The following PLXNB1 variants were observed in gnomAD, a reference collection of about 807,000 sequenced individuals.
The protein encoded by PLXNB1 is plexin B1, also known as plexin-B1.
In PLXNB1, 106 loss-of-function variants were observed where a neutral mutation model predicts 209.4. The observed-to-expected ratio is 0.51, with a 90% CI of 0.43 to 0.59. The LOEUF (loss-of-function observed/expected upper bound fraction) is 0.59, where lower values mean the gene tolerates loss of function less well. Ranked by LOEUF, PLXNB1 falls within the 20% of genes least tolerant of loss-of-function variation. The probability of loss-of-function intolerance (pLI) is 0.00; values close to 1 mark genes in which losing one functional copy is unlikely to be tolerated. For synonymous variants in PLXNB1, 1,167 were observed against 1,183.2 expected (o/e 0.99, Z 0.28); for missense variants, 2,357 against 2,853.2 (o/e 0.83, Z 3.96).
chr3:48,413,135 T>C lies in PLXNB1; in HGVS notation c.4570A>G (p.Lys1524Glu), dbSNP rs765388159. ...KSKQALRDYK[K>E]VQIQLENLES... The stretch of plus-strand genomic sequence containing the variant: ...AGATTCTCCAGCTGGATCTGAACCT[T>C]CTTATAGTCCCTCAGGGCCTGCTTG... Residue 1524 changes from lysine to glutamate, a missense_variant, in exon 24 of 38, where the codon AAG (lysine) becomes GAG (glutamate). Transcript: ENST00000296440. This position sits in a 1 kb window ranked among gnomAD's most constrained non-coding sequence, Gnocchi z 5.4. 8 of 1,613,510 alleles carry C rather than the reference T, an allele frequency of 5.0e-6. No individual in the cohort carries two copies. In the South Asian group the frequency reaches 8.8e-5, roughly 18 times the overall value.
chr3:48,418,123 C>A lies in PLXNB1; in HGVS notation c.3223-61G>T. The A allele has an allele frequency of 1.2e-6, 2 of 1,607,566 alleles. No individual in the cohort carries two copies. The highest frequency in any genetic ancestry group is 2.2e-5 in the South Asian group (2 of 90,592). On this transcript the variant is annotated intron_variant, in intron 15 of 37. Coordinates refer to ENST00000296440, the MANE Select transcript of PLXNB1 (RefSeq NM_001130082.3). This position sits in a 1 kb window ranked among gnomAD's most constrained non-coding sequence, Gnocchi z 6.6. ...CTGGAAAGGCAGCCCCAACCTCCCA[C>A]CTTTGGGCCCCCACACCCTCCCTCT... is the stretch of plus-strand genomic sequence containing the variant.
Position 48,405,916 on chromosome 3 carries a change from G to A in PLXNB1, c.6229-118C>T. 1.3e-6 allele frequency: 1 copy of A among 761,278 alleles called. No homozygotes were observed. Among genetic ancestry groups the A allele is most frequent in the Non-Finnish European group, 2.3e-6 (1 of 444,124 alleles). The allele number at this position is 761,278 out of a possible 1,614,324, so 47.2% of individuals were successfully genotyped here. Reference sequence around the variant, plus strand: ...AGGGGACCTGAGAGGTAGAGAATGGGATGGGCACTACAGTGGGAAGCAGAG... The same window carrying A: ...AGGGGACCTGAGAGGTAGAGAATGGAATGGGCACTACAGTGGGAAGCAGAG... On this transcript the variant is annotated intron_variant, in intron 36 of 37. Coordinates refer to ENST00000296440, the MANE Select transcript of PLXNB1 (RefSeq NM_001130082.3). This position sits in a 1 kb window ranked among gnomAD's most constrained non-coding sequence, Gnocchi z 5.0.
Position 48,415,576 on chromosome 3 carries a change from C to T in PLXNB1, c.3794+7G>A, listed in dbSNP as rs769855708. On this transcript the variant is annotated splice_region_variant and intron_variant, in intron 19 of 37. Transcript: ENST00000296440. This position sits in a 1 kb window ranked among gnomAD's most constrained non-coding sequence, Gnocchi z 5.0. ...CCTGCCATGCAGCCACACCCCTGGC[C>T]CAACACCTGAGGAAGCTCTTGGTGG... 4 of 1,567,406 alleles carry T rather than the reference C, an allele frequency of 2.6e-6. No individual in the cohort carries two copies. The highest frequency in any genetic ancestry group is 3.5e-6 in the Non-Finnish European group (4 of 1,153,924).
In PLXNB1 at chr3:48,419,633, G is replaced by T. The variant is rs779501210; in HGVS notation, c.2653C>A (p.Leu885Ile). Residue 885 changes from leucine (L) to isoleucine (I), a missense_variant, in exon 11 of 38, where the codon CTC becomes ATC. By Grantham distance (5) the Leu-to-Ile change is conservative (BLOSUM62 2). Transcript: ENST00000296440. The surrounding 1 kb of genome is among the most constrained non-coding windows in gnomAD (Gnocchi z 5.7). ...TAGTCGAGGCTGGACGGGAGGATGA[G>T]GGGGGCGGGAGGGCCCTCAAGCTCT... ...SAELEGPPAP[L>I]ILPSSLDYQY... The T allele has an allele frequency of 2.5e-6, 4 of 1,612,420 alleles. No homozygotes were observed. The highest frequency in any genetic ancestry group is 1.7e-6 in the Non-Finnish European group (2 of 1,179,880).
Position 48,405,781 on chromosome 3 carries a change from G to T in PLXNB1, c.6246C>A (p.Leu2082=). 1 of 1,613,516 alleles carries T rather than the reference G, an allele frequency of 6.2e-7. No individual in the cohort carries two copies. Among genetic ancestry groups the T allele is most frequent in the Non-Finnish European group, 8.5e-7 (1 of 1,179,724 alleles). ...AELSWNYSGD[L]GARVALHELY... is the part of the protein sequence containing the mutation. ...GTTCATGCAGGGCCACTCGCGCCCC[G>T]AGGTCTCCGGAGTAGTTCTAGGGAA... is the stretch of plus-strand genomic sequence containing the variant. The change falls in exon 37 of 38, where the codon CTC becomes CTA. Residue 2082 remains leucine, a synonymous_variant. Transcript: ENST00000296440. The surrounding 1 kb of genome is among the most constrained non-coding windows in gnomAD (Gnocchi z 5.0).
At position 48,413,771 on chromosome 3, in the gene PLXNB1, G is replaced by A. The variant is rs984282538; in HGVS notation, c.4434C>T (p.Asp1478=). 21 of 1,613,730 alleles carry A rather than the reference G, an allele frequency of 1.3e-5. No individual in the cohort carries two copies. Among genetic ancestry groups the A allele is most frequent in the Middle Eastern group, 1.6e-4 (1 of 6,082 alleles). Residue 1478 remains aspartate, a synonymous_variant, in exon 23 of 38, where the codon GAC becomes GAT. Coordinates refer to ENST00000296440, the MANE Select transcript of PLXNB1 (RefSeq NM_001130082.3). The surrounding 1 kb of genome is among the most constrained non-coding windows in gnomAD (Gnocchi z 5.4). ...CAGGAAAAGCCCCAGGGCTCTCGCC[G>A]TCATACTGCACGTGACCCAGGGAGA... ...LRFSLGHVQY[D]GESPGAFPVA... is the part of the protein sequence containing the mutation.
At position 48,420,081 on chromosome 3, in the gene PLXNB1, G is replaced by A. The variant is rs1193294150; in HGVS notation, c.2205C>T (p.Pro735=). The A allele has an allele frequency of 1.2e-6, 2 of 1,613,630 alleles. No individual in the cohort carries two copies. The highest frequency in any genetic ancestry group is 2.2e-5 in the East Asian group (1 of 44,874). The stretch of plus-strand genomic sequence containing the variant: ...AGCCAGAACCTGCCCATGGCCCCCA[G>A]GGGCTGAGCAGGGAAGGACTAGCCC... ...SPGASPSLLS[P]WGPWAGSGSI... The change falls in exon 11 of 38, where the codon CCC becomes CCT. Residue 735 remains proline (P), a synonymous_variant. Coordinates refer to ENST00000296440, the MANE Select transcript of PLXNB1 (RefSeq NM_001130082.3).
rs748115452 is a variant in PLXNB1, at chr3:48,411,061, C to G, written c.5248-25G>C. ...TCTGTGCAGGACACACAGGAGCCAT[C>G]AGGGTTCATGTGCACTCAGGATGAC... On this transcript the variant is annotated intron_variant, in intron 28 of 37. Coordinates refer to ENST00000296440, the MANE Select transcript of PLXNB1 (RefSeq NM_001130082.3). The surrounding 1 kb of genome is among the most constrained non-coding windows in gnomAD (Gnocchi z 4.0). 1 of 1,596,718 alleles carries G rather than the reference C, an allele frequency of 6.3e-7. No individual in the cohort carries two copies. The highest frequency in any genetic ancestry group is 8.6e-7 in the Non-Finnish European group (1 of 1,168,804).
At position 48,410,205 on chromosome 3, in the gene PLXNB1, CA is replaced by C; in HGVS notation, c.5605+90del. The C allele has an allele frequency of 1.4e-6, 2 of 1,450,574 alleles. No individual in the cohort carries two copies. The highest frequency in any genetic ancestry group is 1.9e-6 in the Non-Finnish European group (2 of 1,068,724). The allele number at this position is 1,450,574 out of a possible 1,614,324, so 89.9% of individuals were successfully genotyped here. The stretch of plus-strand genomic sequence containing the variant: ...ATTTCCTGGGCCGAATGGAAATAGG[CA>C]CAAGCCTGCCCTGAGGCCCAGAGGA... On this transcript the variant is annotated intron_variant, in intron 31 of 37. Coordinates refer to ENST00000296440, the MANE Select transcript of PLXNB1 (RefSeq NM_001130082.3). The surrounding 1 kb of genome is among the most constrained non-coding windows in gnomAD (Gnocchi z 6.4).
Position 48,420,046 on chromosome 3 carries a change from G to A in PLXNB1, c.2240C>T (p.Ser747Phe). ...GPWAGSGSIS[S>F]PGSTGSPLHE... ...GAGAGGCGACCCTGTGGAGCCAGGG[G>A]AAGATATGGAGCCAGAACCTGCCCA... The change falls in exon 11 of 38, where the codon TCC becomes TTC. Residue 747 changes from serine to phenylalanine, a missense_variant. By Grantham distance (155) the Ser-to-Phe change is radical. Coordinates refer to ENST00000296440, the MANE Select transcript of PLXNB1 (RefSeq NM_001130082.3). 1.2e-6 allele frequency: 2 copies of A among 1,612,250 alleles called. No individual in the cohort carries two copies. The highest frequency in any genetic ancestry group is 1.7e-6 in the Non-Finnish European group (2 of 1,178,958).
intron 34 of PLXNB1, 88 bp from the exon 35 acceptor site, chr3:48,407,179 A>G (rs1402906240): frequency 9.8e-6 from 12 of 1,230,760 alleles, no homozygotes; most frequent in Non-Finnish European, 1.4e-5. Context: ...GTTTCCCAGT[A>G]CTGCTTCAGT....
chr3:48,425,805 A>AAC (rs1166591503), intron 1 of PLXNB1, among the ~76,000 whole-genome samples: 50,424 of 144,920 alleles, frequency 0.35, 9,334 homozygotes, highest in East Asian at 0.57. Context: ...ATATGCCTAC[A>AAC]ACACACACAC....
At position 48,416,817 on chromosome 3, in the gene PLXNB1, G is replaced by A. The variant is rs773004132; in HGVS notation, c.3375-366C>T. The A allele has an allele frequency of 8.9e-5, 16 of 179,700 alleles. No homozygotes were observed. The highest frequency in any genetic ancestry group is 1.6e-4 in the Non-Finnish European group (14 of 87,014). The allele number at this position is 179,700 out of a possible 1,614,324, so 11.1% of individuals were successfully genotyped here. A position where few individuals can be genotyped will look rare whatever the true frequency, so the allele number is the denominator to read the frequency against. On this transcript the variant is annotated intron_variant, in intron 16 of 37. Transcript: ENST00000296440. The surrounding 1 kb of genome is among the most constrained non-coding windows in gnomAD (Gnocchi z 4.1). ...TGTCCTCCGCCACGTCACATGCACA[G>A]TACCCACTCAAAGCATGGTAGAAAC...
At position 48,410,310 on chromosome 3, in the gene PLXNB1, T is replaced by C; in HGVS notation, c.5591A>G (p.Tyr1864Cys). ...TKHVLRENQD[Y>C]VPGERTPMLE... is the part of the protein sequence containing the mutation. The stretch of plus-strand genomic sequence containing the variant: ...GCGGTACTCACGCTCTCCAGGGACA[T>C]AATCCTGGTTTTCCCGGAGCACATG... Residue 1864 changes from tyrosine (Y) to cysteine (C), a missense_variant, in exon 31 of 38, where the codon TAT becomes TGT. Tyr to Cys is a radical substitution (Grantham distance 194). Coordinates refer to ENST00000296440, the MANE Select transcript of PLXNB1 (RefSeq NM_001130082.3). The surrounding 1 kb of genome is among the most constrained non-coding windows in gnomAD (Gnocchi z 6.4). 2 of 1,611,592 alleles carry C rather than the reference T, an allele frequency of 1.2e-6. No homozygotes were observed. The highest frequency in any genetic ancestry group is 2.2e-5 in the South Asian group (2 of 90,694).
In PLXNB1 at chr3:48,406,792, G is replaced by T; in HGVS notation, c.6228+31C>A. ...AGGACCGTTGTGGCAGGAGGCCTAT[G>T]CCCAACCCAAGAAGCAGAGGGAGGC... On this transcript the variant is annotated intron_variant, in intron 36 of 37. Transcript: ENST00000296440. The surrounding 1 kb of genome is among the most constrained non-coding windows in gnomAD (Gnocchi z 4.4). The T allele has an allele frequency of 6.4e-7, 1 of 1,565,546 alleles. No individual in the cohort carries two copies.
chr3:48,430,247 T>G (rs912366516), upstream of PLXNB1, among the ~76,000 whole-genome samples: 1 of 152,220 alleles, frequency 6.6e-6, no homozygotes, highest in Non-Finnish European at 1.5e-5. Flanking sequence ...ATCCCACCTC[T>G]AGCGGGGCTG....
chr3:48,419,621 ACGGGAGGATGAGGGGGG>A lies in PLXNB1; in HGVS notation c.2648_2664del (p.Ala883ValfsTer8), dbSNP rs765291186. 1 of 1,612,444 alleles carries A rather than the reference ACGGGAGGATGAGGGGGG, an allele frequency of 6.2e-7. No individual in the cohort carries two copies. Among genetic ancestry groups the A allele is most frequent in the East Asian group, 2.2e-5 (1 of 44,874 alleles). On this transcript the variant is annotated frameshift_variant, in exon 11 of 38. Coordinates refer to ENST00000296440, the MANE Select transcript of PLXNB1 (RefSeq NM_001130082.3). LOFTEE classifies it high-confidence loss of function. The surrounding 1 kb of genome is among the most constrained non-coding windows in gnomAD (Gnocchi z 5.7). ...GTGTCATACTGGTAGTCGAGGCTGG[ACGGGAGGATGAGGGGGG>A]CGGGAGGGCCCTCAAGCTCTGCTGA...
rs1385320172 is a variant in PLXNB1, at chr3:48,407,298, C to T, written c.6088-207G>A. Among the ~76,000 whole-genome samples the T allele has an allele frequency of 2.6e-5, 4 of 152,148 alleles. No individual in the cohort carries two copies. The East Asian group carries it at 7.7e-4, about 29-fold the overall frequency. ...CCGCAGGAGCCTCTGCTGCTCCCTC[C>T]CTTCCACCAATGTCCAGTCTCTGAT... is the stretch of plus-strand genomic sequence containing the variant. On this transcript the variant is annotated intron_variant, in intron 34 of 37. Transcript: ENST00000296440.
rs1420347544 is a variant in PLXNB1, at chr3:48,418,362, C to T, written c.3051G>A (p.Val1017=). Residue 1017 remains valine (V), a splice_region_variant and synonymous_variant, in exon 15 of 38, where the codon GTG becomes GTA. Transcript: ENST00000296440. The surrounding 1 kb of genome is among the most constrained non-coding windows in gnomAD (Gnocchi z 6.6). The part of the protein sequence containing the change: ...LRVDSAEGLH[V]VLYDCSVGHG... ...GTCCCACGGAACAGTCATACAGTAC[C>T]ACTGGGGGTGGCAGAGACACACGTG... The T allele has an allele frequency of 6.2e-7, 1 of 1,613,666 alleles. No homozygotes were observed. The highest frequency in any genetic ancestry group is 2.2e-5 in the East Asian group (1 of 44,884).
Sources: gnomAD v4.1 joint callset for allele counts (sites outside exome capture counted in the v4.1 genomes callset) on GRCh38, gnomAD v4.1.1 for gene constraint, Gnocchi (gnomAD v3.1) non-coding constraint, MANE v1.5 for transcripts, NCBI Gene and HGNC (gene_info 2026-07-23, HGNC 2026-07-21) for gene names.